Variants in PSKH2 observed in about 807,000 individuals in gnomAD.
PSKH2 encodes protein serine kinase H2, also known as serine/threonine-protein kinase H2.
Under a neutral mutation model 22.5 loss-of-function variants are expected in PSKH2, and 16 were observed. That is an observed-to-expected ratio of 0.71 (90% confidence interval 0.48 to 1.08). The LOEUF (loss-of-function observed/expected upper bound fraction) is 1.08, where lower values mean the gene tolerates loss of function less well. Among genes scored for constraint, PSKH2 ranks in the 50% least tolerant of loss-of-function variants. The pLI, the probability that PSKH2 is intolerant of heterozygous loss-of-function variation, is 0.00. For synonymous variants in PSKH2, 188 were observed against 184.8 expected, an observed-to-expected ratio of 1.02 and a Z score of -0.14; for missense variants, 516 against 492.8, an observed-to-expected ratio of 1.05 and a Z score of -0.44.
intron 1 of PSKH2, among the ~76,000 whole-genome samples, chr8:86,068,841 C>G (rs1283419964): frequency 6.6e-6 from 1 of 152,104 alleles, no homozygotes; most frequent in East Asian, 1.9e-4. Context: ...CACCCCCACC[C>G]CCCACCTCCG....
At position 86,047,526 on chromosome 8, in the gene PSKH2, A is replaced by G. The variant is rs962437816; in HGVS notation, c.*936T>C. 8.2e-4 allele frequency among the ~76,000 whole-genome samples: 125 copies of G among 152,256 alleles called. No homozygotes were observed. The highest frequency in any genetic ancestry group is 2.8e-3 in the African/African-American group (117 of 41,576). ...ATATCAACTAATTAATCATTTATTT[A>G]CTATGTTTACCCACACATATGAGTG... On this transcript the variant is annotated 3_prime_UTR_variant, in exon 3 of 3. Transcript: ENST00000276616.
intron 2 of PSKH2, among the ~76,000 whole-genome samples, chr8:86,059,612 A>G (rs759698756): frequency 2.6e-5 from 4 of 152,110 alleles, no homozygotes; most frequent in Non-Finnish European, 4.4e-5. Context: ...CTATGAAGAA[A>G]CTTGTGATCG....
intron 2 of PSKH2, 69 bp from the exon 3 acceptor site, chr8:86,048,836 C>T (rs1817570561): frequency 5.3e-6 from 7 of 1,318,984 alleles, no homozygotes; most frequent in East Asian, 5.0e-5. Flanking sequence ...ACAAAGAATC[C>T]TATTCTTAAT....
At chr8:86,064,921 A>G (rs1450270179) in intron 1 of PSKH2, among the ~76,000 whole-genome samples, 1 of 152,204 alleles carries the variant, frequency 6.6e-6, no homozygotes, top group Non-Finnish European at 1.5e-5. Flanking sequence ...TATCCCTACT[A>G]AAACCCTGCT....
At chr8:86,048,821 C>T (rs1817570394) in intron 2 of PSKH2, 54 bp from the exon 3 acceptor site, 3 of 1,386,490 alleles carry the variant, frequency 2.2e-6, no homozygotes, top group African/African-American at 1.5e-5. Flanking sequence ...GAAATATACA[C>T]AAACACAAAG....
intron 1 of PSKH2, among the ~76,000 whole-genome samples, chr8:86,067,468 C>G (rs1275902486): frequency 7.6e-6 from 1 of 131,060 alleles, no homozygotes; most frequent in Admixed American, 7.8e-5. Flanking sequence ...AAGATCACAT[C>G]AAGCTGGGAA....
At chr8:86,056,856 T>C (rs1482536425) in intron 2 of PSKH2, among the ~76,000 whole-genome samples, 1 of 151,728 alleles carries the variant, frequency 6.6e-6, no homozygotes, top group Non-Finnish European at 1.5e-5. Context: ...GTTAGTAAAT[T>C]GCAGAGCTGG....
intron 1 of PSKH2, among the ~76,000 whole-genome samples, chr8:86,068,835 C>G (rs1026010385): frequency 1.1e-4 from 17 of 152,040 alleles, no homozygotes; most frequent in Admixed American, 3.3e-4. Context: ...CTCTCACACC[C>G]CCACCCCCCA....
intron 2 of PSKH2, among the ~76,000 whole-genome samples, chr8:86,056,509 C>T (rs573445879): frequency 6.6e-6 from 1 of 152,044 alleles, no homozygotes; most frequent in Non-Finnish European, 1.5e-5. Flanking sequence ...TAACACTAAC[C>T]TTTCTTCACT....
At chr8:86,055,252 C>T (rs952569399) in intron 2 of PSKH2, among the ~76,000 whole-genome samples, 1 of 152,098 alleles carries the variant, frequency 6.6e-6, no homozygotes, top group Non-Finnish European at 1.5e-5. Context: ...CAAGATACAA[C>T]CTAATCAAGG....
intron 1 of PSKH2, among the ~76,000 whole-genome samples, chr8:86,069,035 A>T (rs781239303): frequency 2.6e-5 from 4 of 152,144 alleles, no homozygotes; most frequent in Non-Finnish European, 4.4e-5. Context: ...AAGAAAATGG[A>T]CGCCTTCGAA....
chr8:86,048,667 G>A lies in PSKH2; in HGVS notation c.953C>T (p.Pro318Leu). 1 of 1,614,110 alleles carries A rather than the reference G, an allele frequency of 6.2e-7. No homozygotes were observed. Among genetic ancestry groups the A allele is most frequent in the Admixed American group, 1.7e-5 (1 of 60,020 alleles). ...RMSAGQALDHPWVITMAAGSS... is the reference protein window; with the variant it reads ...RMSAGQALDHLWVITMAAGSS... The stretch of plus-strand genomic sequence containing the variant: ...CCCTGCAGCCATGGTGATCACCCAG[G>A]GATGGTCCAGGGCCTGGCCAGCTGA... The change falls in exon 3 of 3, where the codon CCC becomes CTC. Residue 318 changes from proline (P) to leucine (L), a missense_variant. By Grantham distance (98) the Pro-to-Leu change is moderately conservative (BLOSUM62 -3). Coordinates refer to ENST00000276616, the MANE Select transcript of PSKH2 (RefSeq NM_033126.3).
chr8:86,054,871 T>G (rs1298548114), intron 2 of PSKH2, among the ~76,000 whole-genome samples: 1 of 152,126 alleles, frequency 6.6e-6, no homozygotes, highest in Non-Finnish European at 1.5e-5. Context: ...TTAAGTAAAA[T>G]TGGGTACAGT....
intron 1 of PSKH2, among the ~76,000 whole-genome samples, chr8:86,067,289 G>C (rs923136801): frequency 6.6e-6 from 1 of 151,800 alleles, no homozygotes; most frequent in Admixed American, 6.6e-5. Context: ...CTACAGCCTT[G>C]CTCGTGAGTC....
intron 2 of PSKH2, 100 bp from the exon 3 acceptor site, chr8:86,048,867 G>A (rs528425156): frequency 4.0e-5 from 44 of 1,107,046 alleles, no homozygotes; most frequent in East Asian, 1.0e-4. Context: ...AATGCCAATC[G>A]AATCCAAAAA....
Position 86,069,485 on chromosome 8 carries a change from T to C in PSKH2, c.138A>G (p.Ile46Met). 1 of 1,608,932 alleles carries C rather than the reference T, an allele frequency of 6.2e-7. No homozygotes were observed. The highest frequency in any genetic ancestry group is 8.5e-7 in the Non-Finnish European group (1 of 1,178,532). Residue 46 changes from isoleucine to methionine, a missense_variant, in exon 1 of 3, where the codon ATA becomes ATG. Ile to Met is a conservative substitution (Grantham distance 10). Coordinates refer to ENST00000276616, the MANE Select transcript of PSKH2 (RefSeq NM_033126.3). Reference sequence around the variant, plus strand: ...ACTTGGCTCGGAAGCGAGCCACCTGTATCCTCTGCGCCGCCTGGGCCGCCG... The same window carrying C: ...ACTTGGCTCGGAAGCGAGCCACCTGCATCCTCTGCGCCGCCTGGGCCGCCG... Reference protein sequence around the residue: ...PEAAAQAAQRIQVARFRAKFD... With the variant: ...PEAAAQAAQRMQVARFRAKFD...
Position 86,069,469 on chromosome 8 carries a change from G to C in PSKH2, c.154C>G (p.Arg52Gly). 1.2e-6 allele frequency: 2 copies of C among 1,600,048 alleles called. No individual in the cohort carries two copies. Among genetic ancestry groups the C allele is most frequent in the Non-Finnish European group, 1.7e-6 (2 of 1,174,620 alleles). Reference sequence around the variant, plus strand: ...AGGACCCGGGGGTCGAACTTGGCTCGGAAGCGAGCCACCTGTATCCTCTGC... The same window carrying C: ...AGGACCCGGGGGTCGAACTTGGCTCCGAAGCGAGCCACCTGTATCCTCTGC... ...AAQRIQVARF[R>G]AKFDPRVLAR... The change falls in exon 1 of 3, where the codon CGA (arginine) becomes GGA (glycine). Residue 52 changes from arginine to glycine, a missense_variant. Transcript: ENST00000276616.
intron 2 of PSKH2, among the ~76,000 whole-genome samples, chr8:86,063,227 G>A (rs1016803777): frequency 2.6e-5 from 4 of 152,112 alleles, no homozygotes; most frequent in South Asian, 2.1e-4. Context: ...AGATATACAC[G>A]TTACATTTTA....
At chr8:86,057,650 A>G (rs1289976749) in intron 2 of PSKH2, among the ~76,000 whole-genome samples, 1 of 152,148 alleles carries the variant, frequency 6.6e-6, no homozygotes, top group Non-Finnish European at 1.5e-5. Context: ...TCAGCCTCCC[A>G]AAGTGCTGGG....
Sources: gnomAD v4.1 joint callset for allele counts (sites outside exome capture counted in the v4.1 genomes callset) on GRCh38, gnomAD v4.1.1 for gene constraint, MANE v1.5 for transcripts, NCBI Gene and HGNC (gene_info 2026-07-23, HGNC 2026-07-21) for gene names.